Variants in UBAC2 observed in about 807,000 individuals in gnomAD.
UBAC2 encodes ubiquitin-associated domain-containing protein 2.
UBAC2 carries 26 observed loss-of-function variants against 44.0 expected under a neutral mutation model. The observed-to-expected ratio is 0.59, with a 90% CI of 0.43 to 0.82. The LOEUF (loss-of-function observed/expected upper bound fraction) is 0.82, where lower values mean the gene tolerates loss of function less well. UBAC2 is among the 40% of genes least tolerant of loss of function. UBAC2 has a pLI of 0.00. For synonymous variants in UBAC2, 155 were observed against 154.3 expected, an observed-to-expected ratio of 1.00 and a Z score of -0.04; for missense variants, 329 against 419.4, an observed-to-expected ratio of 0.78 and a Z score of 1.88.
At chr13:99,354,860 C>G (rs2045153007) in intron 7 of UBAC2, among the ~76,000 whole-genome samples, 1 of 152,120 alleles carries the variant, frequency 6.6e-6, no homozygotes, top group South Asian at 2.1e-4. Context: ...TTGGCATAAT[C>G]TCGGAGTGCA....
chr13:99,237,466 G>T (rs1374158041), intron 1 of UBAC2, among the ~76,000 whole-genome samples: 1 of 152,142 alleles, frequency 6.6e-6, no homozygotes, highest in Admixed American at 6.5e-5. Flanking sequence ...TAGGTTGGTG[G>T]TTATCAGAGG....
intron 1 of UBAC2, among the ~76,000 whole-genome samples, chr13:99,205,047 GTGTGTGATGCCACACCCGGCTAA>G (rs1192417320): frequency 1.3e-5 from 2 of 151,956 alleles, no homozygotes; most frequent in Non-Finnish European, 2.9e-5. Context: ...GGGACTATAG[GTGTGTGATGCCACACCCGGCTAA>G]TTTTTGTATT....
At chr13:99,342,444 C>T (rs772983750) in intron 7 of UBAC2, among the ~76,000 whole-genome samples, 32 of 152,102 alleles carry the variant, frequency 2.1e-4, no homozygotes, top group South Asian at 6.2e-4. Context: ...AGCATAGTCT[C>T]GGCGCTGAGT....
At chr13:99,281,192 A>AAAAAC (rs1033276028) in intron 4 of UBAC2, among the ~76,000 whole-genome samples, 6 of 150,334 alleles carry the variant, frequency 4.0e-5, no homozygotes, top group African/African-American at 5.0e-5. Flanking sequence ...CCATCTCAAA[A>AAAAAC]AAAACAAAAC....
intron 4 of UBAC2, chr13:99,254,639 A>T: frequency 2.5e-6 from 1 of 403,000 alleles, no homozygotes; most frequent in Middle Eastern, 6.7e-4. Flanking sequence ...TGTCGCTTGC[A>T]CATAGAAATG....
intron 1 of UBAC2, chr13:99,205,957 T>C (rs1226360654): frequency 6.5e-6 from 1 of 153,660 alleles, no homozygotes; most frequent in African/African-American, 2.4e-5. Flanking sequence ...GATAGAAGGA[T>C]TCTAAAGATG....
chr13:99,233,633 C>T (rs2043200883), intron 1 of UBAC2, among the ~76,000 whole-genome samples: 1 of 152,064 alleles, frequency 6.6e-6, no homozygotes, highest in Non-Finnish European at 1.5e-5. Flanking sequence ...AAGAATGCAA[C>T]TGATTGTGAC....
intron 4 of UBAC2, among the ~76,000 whole-genome samples, chr13:99,267,479 C>T (rs1156309883): frequency 6.6e-6 from 1 of 152,072 alleles, no homozygotes; most frequent in Non-Finnish European, 1.5e-5. Flanking sequence ...TCAATGAGTC[C>T]TTTTGGAACC....
chr13:99,344,186 G>A (rs1332748408), intron 7 of UBAC2, among the ~76,000 whole-genome samples: 1 of 152,162 alleles, frequency 6.6e-6, no homozygotes, highest in African/African-American at 2.4e-5. Context: ...TCATGACCCC[G>A]GAGGCTCAGG....
At chr13:99,312,765 T>C (rs1281375542) in intron 4 of UBAC2, 1 of 153,582 alleles carries the variant, frequency 6.5e-6, no homozygotes, top group Non-Finnish European at 1.5e-5. Context: ...GCAGCCAGCG[T>C]GTTCAGGGAG....
At chr13:99,205,487 C>T (rs533931958) in intron 1 of UBAC2, among the ~76,000 whole-genome samples, 4 of 152,216 alleles carry the variant, frequency 2.6e-5, no homozygotes, top group African/African-American at 9.6e-5. Flanking sequence ...CCTGGGTCTC[C>T]TCCCCAGAGG....
At chr13:99,316,501 A>G (rs552735660) in intron 5 of UBAC2, among the ~76,000 whole-genome samples, 193 of 152,182 alleles carry the variant, frequency 1.3e-3, no homozygotes, top group Non-Finnish European at 2.2e-3. Context: ...GTATCCAATG[A>G]CTTGAGAGCC....
intron 4 of UBAC2, among the ~76,000 whole-genome samples, chr13:99,301,001 G>T (rs115944980): frequency 2.7e-5 from 4 of 150,328 alleles, no homozygotes; most frequent in African/African-American, 7.2e-5. Flanking sequence ...ATAAACTAAG[G>T]TATACTAGAA....
At chr13:99,383,908 T>C (rs2045584569) in intron 8 of UBAC2, among the ~76,000 whole-genome samples, 1 of 152,242 alleles carries the variant, frequency 6.6e-6, no homozygotes, top group South Asian at 2.1e-4. Flanking sequence ...GCCTCTCTAC[T>C]CTCTGCACCT....
rs2044764150 is a variant in UBAC2 at position 99,334,859 on chromosome 13, A to AATTG, written c.562-5460_562-5457dup. ...TGTCAGACTAATTTAAAAGAAAAAA[A>AATTG]ATTGCTATATGGTATCTACAAGACA... On this transcript the variant is annotated intron_variant, in intron 6 of 8. Coordinates refer to ENST00000403766, the MANE Select transcript of UBAC2 (RefSeq NM_001144072.2). Among the ~76,000 whole-genome samples, 7 of 152,348 alleles carry AATTG rather than the reference A, an allele frequency of 4.6e-5. No individual in the cohort carries two copies. In the South Asian group the frequency reaches 1.5e-3, roughly 32 times the overall value.
intron 4 of UBAC2, 30 bp from the exon 5 acceptor site, chr13:99,314,067 A>T (rs377718691): frequency 3.8e-6 from 6 of 1,589,300 alleles, no homozygotes; most frequent in Non-Finnish European, 5.1e-6. Flanking sequence ...ATTCACTATT[A>T]TAGTGATTTT....
At chr13:99,306,437 A>G (rs2044336923) in intron 4 of UBAC2, among the ~76,000 whole-genome samples, 1 of 152,078 alleles carries the variant, frequency 6.6e-6, no homozygotes, top group Admixed American at 6.6e-5. Flanking sequence ...ATTTCATTTG[A>G]TCCTGATTTC....
intron 5 of UBAC2, 131 bp from the exon 6 acceptor site, chr13:99,317,891 G>T: frequency 1.7e-6 from 1 of 595,066 alleles, no homozygotes. Context: ...TTTTCCATTT[G>T]CTTCTCTGTA....
intron 1 of UBAC2, among the ~76,000 whole-genome samples, chr13:99,235,979 T>G (rs2043228261): frequency 6.6e-6 from 1 of 152,038 alleles, no homozygotes; most frequent in African/African-American, 2.4e-5. Flanking sequence ...AAAAAAAAAT[T>G]GTGCTGGTAA....
Sources: gnomAD v4.1 joint callset for allele counts (sites outside exome capture counted in the v4.1 genomes callset) on GRCh38, gnomAD v4.1.1 for gene constraint, MANE v1.5 for transcripts, NCBI Gene and HGNC (gene_info 2026-07-23, HGNC 2026-07-21) for gene names.